CDR2L: variants seen among roughly 807,000 people sequenced by gnomAD.
CDR2L encodes cerebellar degeneration-related protein 2-like.
CDR2L carries 19 observed loss-of-function variants against 36.1 expected under a neutral mutation model. The observed-to-expected ratio is 0.53, with a 90% CI of 0.37 to 0.77. CDR2L has a LOEUF of 0.77. CDR2L is among the 30% of genes least tolerant of loss of function. The pLI, the probability that CDR2L is intolerant of heterozygous loss-of-function variation, is 0.00. For missense variants in CDR2L, 575 were observed against 627.2 expected (o/e 0.92, Z 0.89); for synonymous variants, 285 against 280.4 (o/e 1.02, Z -0.16).
chr17:74,988,540 T>C (rs1171081626), intron 1 of CDR2L, among the ~76,000 whole-genome samples: 1 of 152,102 alleles, frequency 6.6e-6, no homozygotes, highest in Non-Finnish European at 1.5e-5. Context: ...AGGGAAGTTA[T>C]CTCACGCCAA....
In CDR2L at chr17:75,001,492, G is replaced by T; in HGVS notation, c.341+3G>T. On this transcript the variant is annotated splice_donor_region_variant and intron_variant, in intron 3 of 4. Transcript: ENST00000337231. ...GCTGCCCAGCAGAAGATCCATGGGT[G>T]AGGGCCCGGCTGAGGGCTGGGGGGC... 6.5e-7 allele frequency: 1 copy of T among 1,550,060 alleles called. No individual in the cohort carries two copies. Among genetic ancestry groups the T allele is most frequent in the African/African-American group, 1.4e-5 (1 of 73,078 alleles).
At chr17:74,997,057 TTTCTTTCTTTCTTTCTTTCTTTCTTTC>T (rs1360891914) in intron 1 of CDR2L, among the ~76,000 whole-genome samples, 1 of 9,592 alleles carries the variant, frequency 1.0e-4, no homozygotes, top group Non-Finnish European at 9.4e-4. Flanking sequence ...TCTTTCTTTC[TTTCTTTCTTTCTTTCTTTCTTTCTTTC>T]TTTTTTTTTT....
At position 74,999,554 on chromosome 17, in the gene CDR2L, G is replaced by C; in HGVS notation, c.130G>C (p.Glu44Gln). 1 of 1,589,486 alleles carries C rather than the reference G, an allele frequency of 6.3e-7. No individual in the cohort carries two copies. The change falls in exon 2 of 5, where the codon GAG becomes CAG. Residue 44 changes from glutamate to glutamine, a missense_variant. Physicochemically the swap from Glu to Gln is conservative, Grantham distance 29. Transcript: ENST00000337231. The stretch of plus-strand genomic sequence containing the variant: ...GAAGACTCTGCTGGAGAGGAACAAG[G>C]AGCTGGAGGGGTCCCTGCAGCAGAT... Reference protein sequence around the residue: ...LGKTLLERNKELEGSLQQMYS... With the variant: ...LGKTLLERNKQLEGSLQQMYS...
chr17:74,995,637 T>C (rs1341321876), intron 1 of CDR2L, among the ~76,000 whole-genome samples: 2 of 152,200 alleles, frequency 1.3e-5, no homozygotes, highest in African/African-American at 4.8e-5. Flanking sequence ...CCCAAGTAGC[T>C]GGGACCACAG....
Position 75,002,123 on chromosome 17 carries a change from A to G in CDR2L, c.401A>G (p.Glu134Gly), listed in dbSNP as rs780832881. The G allele has an allele frequency of 3.7e-6, 6 of 1,602,326 alleles. No homozygotes were observed. In the South Asian group the frequency reaches 6.8e-5, roughly 18 times the overall value. ...GTGGAGGAGCTGCAGGCCCAGGTGG[A>G]GCAACTGAGAGGCCTGGAACAGCTG... is the stretch of plus-strand genomic sequence containing the variant. ...AQVEELQAQV[E>G]QLRGLEQLRV... Residue 134 changes from glutamate to glycine, a missense_variant, in exon 4 of 5, where the codon GAG becomes GGG. Glu to Gly is a moderately conservative substitution (Grantham distance 98). Transcript: ENST00000337231. The surrounding 1 kb of genome is among the most constrained non-coding windows in gnomAD (Gnocchi z 4.1).
rs781430442 is a variant in CDR2L at position 74,999,561 on chromosome 17, A to AG, written c.141dup (p.Ser48ValfsTer10). On this transcript the variant is annotated frameshift_variant, in exon 2 of 5. Transcript: ENST00000337231. LOFTEE classifies it high-confidence loss of function. ...CTGCTGGAGAGGAACAAGGAGCTGG[A>AG]GGGGTCCCTGCAGCAGATGTACTCC... The AG allele has an allele frequency of 6.3e-7, 1 of 1,589,168 alleles. No homozygotes were observed. The highest frequency in any genetic ancestry group is 8.6e-7 in the Non-Finnish European group (1 of 1,168,158).
chr17:75,004,112 C>T lies in CDR2L; in HGVS notation c.*38C>T, dbSNP rs761097357. On this transcript the variant is annotated 3_prime_UTR_variant, in exon 5 of 5. Transcript: ENST00000337231. ...CTGCAGCCTCCCCCAGGGTGGAAGC[C>T]GTGGGGTCCCTCAGGCCTGGGCGGT... 8 of 1,549,044 alleles carry T rather than the reference C, an allele frequency of 5.2e-6. No homozygotes were observed. The East Asian group carries it at 6.9e-5, about 13-fold the overall frequency.
rs772938126 is a variant in CDR2L at position 74,989,642 on chromosome 17, T to C, written c.79+1520T>C. Among the ~76,000 whole-genome samples the C allele has an allele frequency of 6.6e-6, 1 of 151,942 alleles. No homozygotes were observed. The highest frequency in any genetic ancestry group is 1.5e-5 in the Non-Finnish European group (1 of 67,986). ...GTAGGTGGCACAGTATTTTTTTCTT[T>C]TTTCTTTTTATTTATTTATTTATTT... On this transcript the variant is annotated intron_variant, in intron 1 of 4. Transcript: ENST00000337231. The surrounding 1 kb of genome is among the most constrained non-coding windows in gnomAD (Gnocchi z 4.2).
At chr17:74,996,350 A>G (rs1018366055) in intron 1 of CDR2L, among the ~76,000 whole-genome samples, 1 of 150,526 alleles carries the variant, frequency 6.6e-6, no homozygotes, top group South Asian at 2.1e-4. Flanking sequence ...AGGCTGAGGC[A>G]GGAAAATAGC....
At chr17:74,994,930 G>C (rs2039816267) in intron 1 of CDR2L, among the ~76,000 whole-genome samples, 1 of 152,052 alleles carries the variant, frequency 6.6e-6, no homozygotes, top group African/African-American at 2.4e-5. Flanking sequence ...TTAGCTGGGC[G>C]TGGTAGCACG....
chr17:74,990,686 A>G (rs2039791227), intron 1 of CDR2L, among the ~76,000 whole-genome samples: 1 of 152,142 alleles, frequency 6.6e-6, no homozygotes, highest in South Asian at 2.1e-4. Context: ...ATAGGGAGGG[A>G]GGGGCTGAAG....
chr17:74,988,142 G>A lies in CDR2L; in HGVS notation c.79+20G>A, dbSNP rs1445015161. On this transcript the variant is annotated intron_variant, in intron 1 of 4. Coordinates refer to ENST00000337231, the MANE Select transcript of CDR2L (RefSeq NM_014603.3). The stretch of plus-strand genomic sequence containing the variant: ...AGCAGGGTGAGCGCGGGGGCGACCG[G>A]GACAGGAAGGCGGGGAGCGCCCGGT... The A allele has an allele frequency of 4.0e-6, 6 of 1,487,462 alleles. No homozygotes were observed. The highest frequency in any genetic ancestry group is 1.9e-4 in the Middle Eastern group (1 of 5,178). 92.1% of individuals were successfully genotyped at this position (1,487,462 alleles called of 1,614,324 possible).
At chr17:75,000,514 G>A (rs2039858885) in intron 2 of CDR2L, among the ~76,000 whole-genome samples, 2 of 147,354 alleles carry the variant, frequency 1.4e-5, no homozygotes, top group Admixed American at 1.4e-4. Context: ...TAGCCAGGAT[G>A]GTCTCCATCT....
At chr17:74,997,042 TTC>T (rs1465596179) in intron 1 of CDR2L, among the ~76,000 whole-genome samples, 1 of 8,296 alleles carries the variant, frequency 1.2e-4, no homozygotes, top group Non-Finnish European at 9.1e-4. Flanking sequence ...TTTTCTTTCT[TTC>T]TTTCTTTCTT....
rs2039892118 is a variant in CDR2L at position 75,004,549 on chromosome 17, T to C, written c.*475T>C. On this transcript the variant is annotated 3_prime_UTR_variant, in exon 5 of 5. Transcript: ENST00000337231. ...ACCCCAGGGCCAGCTGTTTCAGGGG[T>C]TTCCTGGACCACCCACTGCTTCTCC... is the stretch of plus-strand genomic sequence containing the variant. 2 of 156,542 alleles carry C rather than the reference T, an allele frequency of 1.3e-5. No individual in the cohort carries two copies. The highest frequency in any genetic ancestry group is 3.9e-4 in the South Asian group (2 of 5,112). The allele number at this position is 156,542 out of a possible 1,614,324, so 9.7% of individuals were successfully genotyped here.
chr17:74,998,383 A>G (rs905482218), intron 1 of CDR2L, among the ~76,000 whole-genome samples: 1 of 150,872 alleles, frequency 6.6e-6, no homozygotes, highest in Non-Finnish European at 1.5e-5. Flanking sequence ...TTTTTTTTTT[A>G]ATAGAGATGA....
At chr17:75,001,605 A>AT in intron 3 of CDR2L, 116 bp downstream of exon 3, 1 of 984,964 alleles carries the variant, frequency 1.0e-6, no homozygotes, top group Non-Finnish European at 1.4e-6. Context: ...GGAACCGGGG[A>AT]TGGGAGTGAG....
At chr17:74,999,288 G>GCACACACA (rs113287746) in intron 1 of CDR2L, among the ~76,000 whole-genome samples, 8,967 of 144,806 alleles carry the variant, frequency 0.062, 334 homozygotes, top group East Asian at 0.09. Flanking sequence ...ATTACATCTT[G>GCACACACA]CACACACACA....
rs2144852298 is a variant in CDR2L, at chr17:74,987,647, C to T, written c.-397C>T. On this transcript the variant is annotated 5_prime_UTR_variant, in exon 1 of 5. Transcript: ENST00000337231. ...GGGCTCCGCCAAGATGCAGCGGCGG[C>T]TCCGGTTGTCGCCGGGCGGGCCAGG... is the stretch of plus-strand genomic sequence containing the variant. 6.5e-6 allele frequency: 1 copy of T among 154,258 alleles called. No individual in the cohort carries two copies. Among genetic ancestry groups the T allele is most frequent in the Non-Finnish European group, 1.4e-5 (1 of 69,496 alleles). The allele number at this position is 154,258 out of a possible 1,614,324, so 9.6% of individuals were successfully genotyped here.
Sources: allele counts gnomAD v4.1 joint callset (sites outside exome capture counted in the v4.1 genomes callset), GRCh38; gene constraint gnomAD v4.1.1; non-coding constraint Gnocchi (gnomAD v3.1); transcripts MANE v1.5; gene names NCBI Gene and HGNC (gene_info 2026-07-23, HGNC 2026-07-21).